The following NRL variants were observed in gnomAD, a reference collection of about 807,000 sequenced individuals.
The protein encoded by NRL is neural retina-specific leucine zipper protein.
In NRL, 16 loss-of-function variants were observed where a neutral mutation model predicts 12.5. That is an observed-to-expected ratio of 1.28 (90% CI 0.87 to 1.95). NRL has a LOEUF of 1.95. NRL is among the 30% of genes most tolerant of loss of function. The probability of loss-of-function intolerance (pLI) is 0.00; values close to 1 mark genes in which losing one functional copy is unlikely to be tolerated. For missense variants in NRL, 314 were observed against 325.8 expected (o/e 0.96, Z 0.28); for synonymous variants, 142 against 150.9 (o/e 0.94, Z 0.43).
At chr14:24,090,281 G>C (rs1370427170) in intron 1 of NRL, among the ~76,000 whole-genome samples, 7 of 16,180 alleles carry the variant, frequency 4.3e-4, no homozygotes, top group Non-Finnish European at 6.9e-4. Context: ...GGGGGGGGGG[G>C]CACGGGGGGG....
At chr14:24,098,000 G>A (rs968465693) in intron 1 of NRL, among the ~76,000 whole-genome samples, 1 of 151,966 alleles carries the variant, frequency 6.6e-6, no homozygotes, top group South Asian at 2.1e-4. Context: ...CTTTTGCCAG[G>A]GGCAGAGACC....
At position 24,094,529 on chromosome 14, in the gene NRL, A is replaced by T; in HGVS notation, c.-27-11654T>A. 6.9e-7 allele frequency: 1 copy of T among 1,444,834 alleles called. No individual in the cohort carries two copies. Among genetic ancestry groups the T allele is most frequent in the Non-Finnish European group, 9.1e-7 (1 of 1,104,210 alleles). The allele number at this position is 1,444,834 out of a possible 1,614,324, so 89.5% of individuals were successfully genotyped here. A position where few individuals can be genotyped will look rare whatever the true frequency, so the allele number is the denominator to read the frequency against. On this transcript the variant is annotated intron_variant, in intron 1 of 2. Transcript: ENST00000561028. This position sits in a 1 kb window ranked among gnomAD's most constrained non-coding sequence, Gnocchi z 4.1. The stretch of plus-strand genomic sequence containing the variant: ...CGCTCTCCTGCTCTCAGCCTCCGCC[A>T]GGTTTCCCATCCTAGGCGGAGGCGG...
chr14:24,108,161 C>A (rs1475176826), intron 1 of NRL, among the ~76,000 whole-genome samples: 1 of 152,186 alleles, frequency 6.6e-6, no homozygotes, highest in African/African-American at 2.4e-5. Context: ...CTGGAATCAG[C>A]TTTTTCTCTA....
chr14:24,090,263 C>T (rs1473317102), intron 1 of NRL, among the ~76,000 whole-genome samples: 1 of 4,922 alleles, frequency 2.0e-4, no homozygotes, highest in Non-Finnish European at 5.1e-4. Flanking sequence ...AGGTGGTTTA[C>T]TCGGGGGGGG....
In NRL at chr14:24,094,567, GC is replaced by G; in HGVS notation, c.-27-11693del. ...TAGGCGGAGGCGGGCAGGGGCGACT[GC>G]TGTGGGTCCAGCCTCCCGCGCCGCG... On this transcript the variant is annotated intron_variant, in intron 1 of 2. Transcript: ENST00000561028. The surrounding 1 kb of genome is among the most constrained non-coding windows in gnomAD (Gnocchi z 4.1). 8 of 1,445,382 alleles carry G rather than the reference GC, an allele frequency of 5.5e-6. No individual in the cohort carries two copies. The highest frequency in any genetic ancestry group is 7.3e-6 in the Non-Finnish European group (8 of 1,103,240). The allele number at this position is 1,445,382 out of a possible 1,614,324, so 89.5% of individuals were successfully genotyped here. A position where few individuals can be genotyped will look rare whatever the true frequency, so the allele number is the denominator to read the frequency against.
At chr14:24,106,743 T>TAAATA (rs1566584812) in intron 1 of NRL, among the ~76,000 whole-genome samples, 3 of 150,846 alleles carry the variant, frequency 2.0e-5, no homozygotes, top group Admixed American at 1.3e-4. Context: ...AATAAATAAA[T>TAAATA]AAATTTAAAA....
In NRL at chr14:24,081,751, C is replaced by T. The variant is rs1020035887; in HGVS notation, c.382-183G>A. 3.9e-6 allele frequency: 6 copies of T among 1,520,198 alleles called. No individual in the cohort carries two copies. Among genetic ancestry groups the T allele is most frequent in the Non-Finnish European group, 5.3e-6 (6 of 1,139,676 alleles). 94.2% of individuals were successfully genotyped at this position (1,520,198 alleles called of 1,614,324 possible). On this transcript the variant is annotated intron_variant, in intron 2 of 2. Transcript: ENST00000561028. This position sits in a 1 kb window ranked among gnomAD's most constrained non-coding sequence, Gnocchi z 4.4. ...GCCCGCCCCAGGCCCCGACGCTCCC[C>T]GGGCCCCCCAGCTGACCGTTGCTCC... is the stretch of plus-strand genomic sequence containing the variant.
chr14:24,090,815 T>C (rs532656752), intron 1 of NRL, among the ~76,000 whole-genome samples: 2 of 152,350 alleles, frequency 1.3e-5, no homozygotes, highest in South Asian at 4.1e-4. Context: ...CAAGGAAATC[T>C]GCACGTGAGC....
At chr14:24,082,949 T>G (rs1233360481) in intron 1 of NRL, 74 bp from the exon 2 acceptor site, 1 of 1,442,636 alleles carries the variant, frequency 6.9e-7, no homozygotes, top group Non-Finnish European at 9.3e-7. Flanking sequence ...CCCTCTTCCC[T>G]CAAAGCCCAA....
chr14:24,109,578 G>A (rs2138993749), intron 1 of NRL, among the ~76,000 whole-genome samples: 2 of 151,836 alleles, frequency 1.3e-5, no homozygotes, highest in African/African-American at 4.8e-5. Flanking sequence ...GGCGCCTGTA[G>A]TCCCAGGTAC....
chr14:24,092,480 G>C (rs147789335), intron 1 of NRL, among the ~76,000 whole-genome samples: 61 of 152,362 alleles, frequency 4.0e-4, no homozygotes, highest in Admixed American at 6.5e-4. Flanking sequence ...TTATGGAGAA[G>C]ATGATGACCT....
chr14:24,081,362 G>A lies in NRL; in HGVS notation c.588C>T (p.Ala196=). Residue 196 remains alanine (A), a synonymous_variant, in exon 3 of 3, where the codon GCC becomes GCT. Transcript: ENST00000561028. This position sits in a 1 kb window ranked among gnomAD's most constrained non-coding sequence, Gnocchi z 4.4. ...GLEAERARLA[A]QLDALRAEVA... ...CCTCGGCCCGCAGCGCGTCCAGCTGGGCGGCCAGGCGGGCGCGCTCGGCCT... is the reference window on the plus strand; with the variant it reads ...CCTCGGCCCGCAGCGCGTCCAGCTGAGCGGCCAGGCGGGCGCGCTCGGCCT... 1 of 1,442,080 alleles carries A rather than the reference G, an allele frequency of 6.9e-7. No individual in the cohort carries two copies. The highest frequency in any genetic ancestry group is 9.1e-7 in the Non-Finnish European group (1 of 1,098,918). The allele number at this position is 1,442,080 out of a possible 1,614,324, so 89.3% of individuals were successfully genotyped here.
chr14:24,095,579 T>C (rs889710699), intron 1 of NRL, among the ~76,000 whole-genome samples: 2 of 151,472 alleles, frequency 1.3e-5, no homozygotes, highest in African/African-American at 4.9e-5. Flanking sequence ...ACACCAAAGC[T>C]CTCTAGGCAT....
In NRL at chr14:24,082,674, C is replaced by T. The variant is rs2036352790; in HGVS notation, c.175G>A (p.Val59Met). 1.1e-5 allele frequency: 18 copies of T among 1,614,146 alleles called. No individual in the cohort carries two copies. The highest frequency in any genetic ancestry group is 1.7e-5 in the Admixed American group (1 of 60,034). The change falls in exon 2 of 3, where the codon GTG (valine) becomes ATG (methionine). Residue 59 changes from valine (V) to methionine (M), a missense_variant. Transcript: ENST00000561028. ...GGCCGGGTGCCCTCGGTTGCCCCCA[C>T]CATGCCTGGTTCACTGAAGGTGGGT... is the stretch of plus-strand genomic sequence containing the variant. Reference protein sequence around the residue: ...PSPTFSEPGMVGATEGTRPGL... With the variant: ...PSPTFSEPGMMGATEGTRPGL...
chr14:24,083,610 T>C (rs139317212), intron 1 of NRL, among the ~76,000 whole-genome samples: 2 of 152,224 alleles, frequency 1.3e-5, no homozygotes, highest in African/African-American at 4.8e-5. Context: ...TTGTGTGAAC[T>C]TGGCAGATCA....
chr14:24,104,328 TAA>T (rs879343120), intron 1 of NRL, among the ~76,000 whole-genome samples: 1 of 143,458 alleles, frequency 7.0e-6, no homozygotes. Context: ...CCTGAGTTCT[TAA>T]AAAAAAAAAA....
rs561043580 is a variant in NRL, at chr14:24,095,783, T to C, written c.-27-12908A>G. On this transcript the variant is annotated intron_variant, in intron 1 of 2. Coordinates refer to ENST00000561028, the MANE Select transcript of NRL (RefSeq NM_001354768.3). ...GTTGCTTCTCTGTCTCCCAGGGCCATGAGAGGACAGACAACAGGACGCTGA... is the reference window on the plus strand; with the variant it reads ...GTTGCTTCTCTGTCTCCCAGGGCCACGAGAGGACAGACAACAGGACGCTGA... 5.9e-5 allele frequency among the ~76,000 whole-genome samples: 9 copies of C among 152,272 alleles called. No homozygotes were observed. The South Asian group carries it at 1.9e-3, about 32-fold the overall frequency.
At position 24,082,763 on chromosome 14, in the gene NRL, T is replaced by C; in HGVS notation, c.86A>G (p.Glu29Gly). 3 of 1,614,210 alleles carry C rather than the reference T, an allele frequency of 1.9e-6. No individual in the cohort carries two copies. The highest frequency in any genetic ancestry group is 2.5e-6 in the Non-Finnish European group (3 of 1,180,028). Residue 29 changes from glutamate (E) to glycine (G), a missense_variant, in exon 2 of 3, where the codon GAG becomes GGG. Glu to Gly is a moderately conservative substitution (Grantham distance 98, BLOSUM62 -2). Coordinates refer to ENST00000561028, the MANE Select transcript of NRL (RefSeq NM_001354768.3). ...MKFEVKREPS[E>G]GRPGPPTASL... is the part of the protein sequence containing the mutation. ...GGCTGTAGGGGGGCCAGGTCGGCCC[T>C]CAGAGGGTTCCCGCTTTACCTCAAA...
chr14:24,088,515 A>T (rs913310885), intron 1 of NRL, among the ~76,000 whole-genome samples: 4 of 152,264 alleles, frequency 2.6e-5, no homozygotes, highest in Non-Finnish European at 5.9e-5. Context: ...TCTGGTGCAG[A>T]ACCCTGAGGA....
Sources: gnomAD v4.1 joint callset for allele counts (sites outside exome capture counted in the v4.1 genomes callset) on GRCh38, gnomAD v4.1.1 for gene constraint, Gnocchi (gnomAD v3.1) non-coding constraint, MANE v1.5 for transcripts, NCBI Gene and HGNC (gene_info 2026-07-23, HGNC 2026-07-21) for gene names.